PARM1: variants seen among roughly 807,000 people sequenced by gnomAD.
PARM1 encodes prostate androgen-regulated mucin-like protein 1.
In PARM1, 14 loss-of-function variants were observed where a neutral mutation model predicts 24.6. The ratio of observed to expected loss-of-function variants is 0.57; its 90% confidence interval spans 0.38 to 0.89. PARM1 has a LOEUF of 0.89. PARM1 is among the 40% of genes least tolerant of loss of function. The probability of loss-of-function intolerance (pLI) is 0.00; values close to 1 mark genes in which losing one functional copy is unlikely to be tolerated. For missense variants in PARM1, 362 were observed against 380.4 expected (o/e 0.95, Z 0.40); for synonymous variants, 179 against 156.6 (o/e 1.14, Z -1.07).
chr4:75,020,492 T>TC lies in PARM1; in HGVS notation c.769+7352dup, dbSNP rs34039245. On this transcript the variant is annotated intron_variant, in intron 2 of 3. Transcript: ENST00000307428. ...AATAGCCTCTCAACTGCCCCTCATT[T>TC]CCCCCCCCCCGCACCCATCTCCCTA... Among the ~76,000 whole-genome samples, 1,047 of 141,734 alleles carry TC rather than the reference T, an allele frequency of 7.4e-3. 8 individuals are homozygous for TC. Among genetic ancestry groups the TC allele is most frequent in the East Asian group, 0.015 (72 of 4,738 alleles). 93.0% of individuals were successfully genotyped at this position (141,734 alleles called of 152,430 possible). A position where few individuals can be genotyped will look rare whatever the true frequency, so the allele number is the denominator to read the frequency against.
At chr4:75,006,763 T>TA (rs1171740070) in intron 1 of PARM1, among the ~76,000 whole-genome samples, 1 of 152,126 alleles carries the variant, frequency 6.6e-6, no homozygotes, top group Non-Finnish European at 1.5e-5. Flanking sequence ...CCTAAAACCA[T>TA]AAAAACCCTA....
intron 1 of PARM1, among the ~76,000 whole-genome samples, chr4:74,949,616 G>C (rs184972840): frequency 7.2e-5 from 11 of 152,134 alleles, no homozygotes; most frequent in Non-Finnish European, 1.6e-4. Flanking sequence ...CCAGCCTATA[G>C]GTCAGTTTTC....
At chr4:74,964,212 T>C (rs1026636258) in intron 1 of PARM1, among the ~76,000 whole-genome samples, 10 of 152,202 alleles carry the variant, frequency 6.6e-5, no homozygotes, top group Admixed American at 1.3e-4. Context: ...TCTTCTTTTA[T>C]GGGAAGGAGC....
intron 1 of PARM1, among the ~76,000 whole-genome samples, chr4:75,003,647 T>A (rs531903409): frequency 2.9e-4 from 44 of 152,334 alleles, no homozygotes; most frequent in African/African-American, 1.0e-3. Flanking sequence ...CATTCTGTTT[T>A]GACATATGAT....
Position 75,012,902 on chromosome 4 carries a change from C to A in PARM1, c.521C>A (p.Thr174Asn), listed in dbSNP as rs1225743312. 6.2e-7 allele frequency: 1 copy of A among 1,613,890 alleles called. No homozygotes were observed. The highest frequency in any genetic ancestry group is 2.2e-5 in the East Asian group (1 of 44,888). ...CCTGAGGTCTTTTCTGCCTCCGTTACTACCAACCATAGCTCCACTGTGACC... is the reference window on the plus strand; with the variant it reads ...CCTGAGGTCTTTTCTGCCTCCGTTAATACCAACCATAGCTCCACTGTGACC... ...SPPEVFSASV[T>N]TNHSSTVTST... is the part of the protein sequence containing the mutation. Residue 174 changes from threonine to asparagine, a missense_variant, in exon 2 of 4, where the codon ACT becomes AAT. By Grantham distance (65) the Thr-to-Asn change is moderately conservative. Transcript: ENST00000307428.
chr4:75,035,430 A>G (rs544087661), intron 3 of PARM1, among the ~76,000 whole-genome samples: 3 of 152,274 alleles, frequency 2.0e-5, no homozygotes, highest in African/African-American at 7.2e-5. Context: ...GCGCACACAC[A>G]CAGACACCCC....
At chr4:74,953,101 A>G (rs183840829) in intron 1 of PARM1, among the ~76,000 whole-genome samples, 70 of 152,320 alleles carry the variant, frequency 4.6e-4, no homozygotes, top group African/African-American at 1.6e-3. Flanking sequence ...TAACTACAAT[A>G]TTTATTAAGT....
chr4:74,979,577 T>A (rs1442473773), intron 1 of PARM1, among the ~76,000 whole-genome samples: 1 of 152,020 alleles, frequency 6.6e-6, no homozygotes, highest in Non-Finnish European at 1.5e-5. Context: ...TACCAAAAAA[T>A]TGAAAAGGAG....
chr4:75,015,400 C>G (rs188220701), intron 2 of PARM1, among the ~76,000 whole-genome samples: 42 of 152,222 alleles, frequency 2.8e-4, no homozygotes, highest in African/African-American at 9.4e-4. Context: ...TGACAGAATG[C>G]TTAAATGACT....
chr4:75,011,125 A>G (rs1284076950), intron 1 of PARM1, among the ~76,000 whole-genome samples: 2 of 152,210 alleles, frequency 1.3e-5, no homozygotes, highest in Non-Finnish European at 2.9e-5. Flanking sequence ...TCAAACCATG[A>G]GGGATCAGTC....
chr4:75,003,781 T>C (rs1252911032), intron 1 of PARM1, among the ~76,000 whole-genome samples: 3 of 152,172 alleles, frequency 2.0e-5, no homozygotes, highest in Non-Finnish European at 4.4e-5. Context: ...TGGGAAACTG[T>C]GTAGGTGCGA....
At chr4:75,046,124 T>TGGA in intron 3 of PARM1, 39 bp from the exon 4 acceptor site, 1 of 1,448,242 alleles carries the variant, frequency 6.9e-7, no homozygotes, top group Non-Finnish European at 9.7e-7. Context: ...ATGGGCAACT[T>TGGA]TTCCAAGTAA....
chr4:74,967,851 A>G (rs1560778448), intron 1 of PARM1: 1 of 152,232 alleles, frequency 6.6e-6, no homozygotes, highest in Non-Finnish European at 1.5e-5. Context: ...AATAAGCAAC[A>G]CATAGACGGA....
At chr4:75,038,116 C>A (rs1342895973) in intron 3 of PARM1, among the ~76,000 whole-genome samples, 1 of 152,168 alleles carries the variant, frequency 6.6e-6, no homozygotes, top group Non-Finnish European at 1.5e-5. Flanking sequence ...GGGGTTTCAC[C>A]ATGTTGACCA....
intron 1 of PARM1, among the ~76,000 whole-genome samples, chr4:74,974,431 T>C (rs1485356403): frequency 6.6e-6 from 1 of 152,168 alleles, no homozygotes; most frequent in Non-Finnish European, 1.5e-5. Flanking sequence ...AGAAGACTTG[T>C]CCAGTTTTTC....
chr4:74,935,162 T>C (rs1340104099), intron 1 of PARM1, among the ~76,000 whole-genome samples: 1 of 152,084 alleles, frequency 6.6e-6, no homozygotes, highest in Non-Finnish European at 1.5e-5. Flanking sequence ...AGAGCCCAGA[T>C]GGTCACAGCC....
chr4:75,022,530 G>A (rs771299071), intron 2 of PARM1, among the ~76,000 whole-genome samples: 18 of 152,046 alleles, frequency 1.2e-4, no homozygotes, highest in Non-Finnish European at 2.9e-5. Context: ...TGTTTTAATT[G>A]TCCCAATGTC....
intron 1 of PARM1, among the ~76,000 whole-genome samples, chr4:74,937,131 A>G (rs1488973245): frequency 1.3e-5 from 2 of 152,200 alleles, no homozygotes; most frequent in African/African-American, 2.4e-5. Flanking sequence ...TTATCCTTGA[A>G]GGAAGACTTA....
In PARM1 at chr4:75,012,778, G is replaced by A; in HGVS notation, c.397G>A (p.Gly133Ser). The A allele has an allele frequency of 6.2e-7, 1 of 1,613,958 alleles. No homozygotes were observed. Among genetic ancestry groups the A allele is most frequent in the East Asian group, 2.2e-5 (1 of 44,890 alleles). ...ACACAGCTCGGGCACTCCTGAAGCA[G>A]GCGTGGCAGCTACACTGTCGCAGTC... ...EEHSSGTPEA[G>S]VAATLSQSAA... The change falls in exon 2 of 4, where the codon GGC becomes AGC. Residue 133 changes from glycine (G) to serine (S), a missense_variant. Transcript: ENST00000307428.
Sources: gnomAD v4.1 joint callset for allele counts (sites outside exome capture counted in the v4.1 genomes callset) on GRCh38, gnomAD v4.1.1 for gene constraint, MANE v1.5 for transcripts, NCBI Gene and HGNC (gene_info 2026-07-23, HGNC 2026-07-21) for gene names.